PARD3: variants seen among roughly 807,000 people sequenced by gnomAD.
PARD3 encodes partitioning defective 3 homolog.
PARD3 carries 75 observed loss-of-function variants against 155.4 expected under a neutral mutation model. The ratio of observed to expected loss-of-function variants is 0.48; its 90% CI spans 0.40 to 0.58. PARD3 has a LOEUF of 0.58. Ranked by LOEUF, PARD3 falls within the 20% of genes least tolerant of loss-of-function variation. PARD3 has a pLI of 0.00. For synonymous variants in PARD3, 576 were observed against 610.5 expected, an observed-to-expected ratio of 0.94 and a Z score of 0.83; for missense variants, 1,642 against 1,721.7, an observed-to-expected ratio of 0.95 and a Z score of 0.82.
intron 22 of PARD3, among the ~76,000 whole-genome samples, chr10:34,267,221 C>T (rs1304015175): frequency 2.6e-5 from 4 of 152,028 alleles, no homozygotes; most frequent in Non-Finnish European, 5.9e-5. Context: ...CATTCATGGC[C>T]TTCAAATGCT....
chr10:34,430,634 T>C (rs889126673), intron 5 of PARD3, among the ~76,000 whole-genome samples: 30 of 152,146 alleles, frequency 2.0e-4, no homozygotes, highest in African/African-American at 7.0e-4. Context: ...AAAACTAAAA[T>C]AGGAAACAAT....
chr10:34,537,183 T>C (rs2083285408), intron 2 of PARD3, among the ~76,000 whole-genome samples: 1 of 152,168 alleles, frequency 6.6e-6, no homozygotes, highest in South Asian at 2.1e-4. Flanking sequence ...TTTAATTTTC[T>C]GTAGAGACAG....
chr10:34,458,753 T>TA (rs2077467101), intron 4 of PARD3, among the ~76,000 whole-genome samples: 2 of 152,198 alleles, frequency 1.3e-5, no homozygotes, highest in East Asian at 1.9e-4. Context: ...TGTCCACTCT[T>TA]AGACTCTGAG....
chr10:34,645,275 G>C (rs1435526433), intron 2 of PARD3, among the ~76,000 whole-genome samples: 1 of 150,852 alleles, frequency 6.6e-6, no homozygotes, highest in African/African-American at 2.4e-5. Context: ...ATATGATCTC[G>C]GCTCACTGTA....
chr10:34,224,596 T>C (rs1340074131), intron 22 of PARD3, among the ~76,000 whole-genome samples: 1 of 152,124 alleles, frequency 6.6e-6, no homozygotes, highest in Admixed American at 6.5e-5. Flanking sequence ...GTCACACCTG[T>C]GAAGTAGGAA....
At chr10:34,812,888 C>G (rs1233813995) in intron 1 of PARD3, among the ~76,000 whole-genome samples, 1 of 152,198 alleles carries the variant, frequency 6.6e-6, no homozygotes, top group Non-Finnish European at 1.5e-5. Context: ...TGTGAAACAA[C>G]CACTGCTAAT....
intron 7 of PARD3, among the ~76,000 whole-genome samples, chr10:34,391,364 G>A (rs11009768): frequency 1.1e-3 from 161 of 152,250 alleles, no homozygotes; most frequent in Non-Finnish European, 1.5e-3. Context: ...GGGGCCTAGC[G>A]CCCTCCAGCT....
chr10:34,426,383 C>T (rs1159413501), intron 5 of PARD3, among the ~76,000 whole-genome samples: 3 of 152,150 alleles, frequency 2.0e-5, no homozygotes, highest in Non-Finnish European at 2.9e-5. Flanking sequence ...TAAACAGAAT[C>T]CATCCACTTT....
chr10:34,250,214 G>GA (rs1229354868), intron 22 of PARD3, among the ~76,000 whole-genome samples: 2 of 148,542 alleles, frequency 1.3e-5, no homozygotes, highest in African/African-American at 2.6e-5. Context: ...GTTAAAAAAA[G>GA]AAAAAAAAAG....
intron 16 of PARD3, among the ~76,000 whole-genome samples, chr10:34,339,863 T>G (rs1360109705): frequency 6.6e-6 from 1 of 152,214 alleles, no homozygotes; most frequent in African/African-American, 2.4e-5. Flanking sequence ...TACACTGGAA[T>G]ATTTAACAAG....
chr10:34,421,208 T>C lies in PARD3; in HGVS notation c.715-19291A>G, dbSNP rs559655407. Among the ~76,000 whole-genome samples the C allele has an allele frequency of 5.9e-5, 9 of 152,178 alleles. No homozygotes were observed. The South Asian group carries it at 1.9e-3, about 32-fold the overall frequency. ...AAAATGAAATGCAAAGTATAATTTA[T>C]CTTTCCAAAATGATCCCAAGGAAAA... On this transcript the variant is annotated intron_variant, in intron 5 of 24. Coordinates refer to ENST00000374788, the MANE Select transcript of PARD3 (RefSeq NM_001184785.2).
At chr10:34,664,701 G>T (rs1396119684) in intron 2 of PARD3, among the ~76,000 whole-genome samples, 1 of 152,064 alleles carries the variant, frequency 6.6e-6, no homozygotes, top group Non-Finnish European at 1.5e-5. Context: ...GGCCAGGCTG[G>T]TCTCGAACTC....
intron 1 of PARD3, among the ~76,000 whole-genome samples, chr10:34,723,100 T>C (rs1294774665): frequency 6.6e-6 from 1 of 152,114 alleles, no homozygotes; most frequent in African/African-American, 2.4e-5. Flanking sequence ...TTCCAGCACT[T>C]TGGGAGGCTG....
At chr10:34,617,263 T>A (rs2496715) in intron 2 of PARD3, among the ~76,000 whole-genome samples, 78,402 of 151,202 alleles carry the variant, frequency 0.52, 23,320 homozygotes, top group African/African-American at 0.83. Flanking sequence ...TCTCAAAAAA[T>A]AAATAAATAA....
At chr10:34,255,067 G>C (rs1025330977) in intron 22 of PARD3, among the ~76,000 whole-genome samples, 1 of 152,044 alleles carries the variant, frequency 6.6e-6, no homozygotes, top group Non-Finnish European at 1.5e-5. Context: ...CTAATAGCTT[G>C]CAAAACCCCC....
intron 14 of PARD3, among the ~76,000 whole-genome samples, chr10:34,351,410 C>T (rs542039939): frequency 3.9e-5 from 6 of 152,246 alleles, no homozygotes; most frequent in East Asian, 3.9e-4. Context: ...ACTGAGGACA[C>T]GCCATGATGT....
intron 21 of PARD3, among the ~76,000 whole-genome samples, chr10:34,276,805 C>G (rs1955905544): frequency 6.6e-6 from 1 of 152,106 alleles, no homozygotes; most frequent in Non-Finnish European, 1.5e-5. Flanking sequence ...CCAAATACCT[C>G]CATTTCCAAA....
intron 1 of PARD3, among the ~76,000 whole-genome samples, chr10:34,778,912 G>C (rs959856664): frequency 1.3e-5 from 2 of 152,202 alleles, no homozygotes; most frequent in African/African-American, 2.4e-5. Context: ...AGCTAACTGA[G>C]AAAGCTGTCA....
At chr10:34,616,301 G>C (rs575017056) in intron 2 of PARD3, among the ~76,000 whole-genome samples, 1 of 151,624 alleles carries the variant, frequency 6.6e-6, no homozygotes, top group East Asian at 1.9e-4. Flanking sequence ...TGGGTGACAG[G>C]GTGAGACTCT....
Sources: gnomAD v4.1 joint callset for allele counts (sites outside exome capture counted in the v4.1 genomes callset) on GRCh38, gnomAD v4.1.1 for gene constraint, MANE v1.5 for transcripts, NCBI Gene and HGNC (gene_info 2026-07-23, HGNC 2026-07-21) for gene names.